Variants in TUSC3 observed in about 807,000 individuals in gnomAD.
TUSC3 encodes tumor suppressor candidate 3.
TUSC3 carries 45 observed loss-of-function variants against 44.8 expected under a neutral mutation model. The ratio of observed to expected loss-of-function variants is 1.00; its 90% confidence interval spans 0.79 to 1.29. The LOEUF is 1.29. TUSC3 is among the 50% of genes most tolerant of loss of function. The probability of loss-of-function intolerance (pLI) is 0.00; values close to 1 mark genes in which losing one functional copy is unlikely to be tolerated. For missense variants in TUSC3, 519 were observed against 437.9 expected, an observed-to-expected ratio of 1.19 and a Z score of -1.65; for synonymous variants, 212 against 152.9, an observed-to-expected ratio of 1.39 and a Z score of -2.85.
intron 2 of TUSC3, among the ~76,000 whole-genome samples, chr8:15,518,228 G>A (rs1383280087): frequency 6.6e-6 from 1 of 151,764 alleles, no homozygotes; most frequent in African/African-American, 2.4e-5. Flanking sequence ...CTTCTTTGTG[G>A]TCAATATTAC....
intron 2 of TUSC3, among the ~76,000 whole-genome samples, chr8:15,490,067 G>A (rs560445978): frequency 6.6e-6 from 1 of 152,306 alleles, no homozygotes; most frequent in African/African-American, 2.4e-5. Flanking sequence ...GTGTCCTTAA[G>A]TATGTAAAAC....
chr8:15,565,077 T>C (rs985319026), intron 1 of TUSC3, among the ~76,000 whole-genome samples: 4 of 152,042 alleles, frequency 2.6e-5, no homozygotes, highest in Non-Finnish European at 5.9e-5. Context: ...TATCTTACAG[T>C]TCTGGAGGTG....
chr8:15,757,890 C>A, intron 10 of TUSC3, 35 bp downstream of exon 10: 1 of 1,430,974 alleles, frequency 7.0e-7, no homozygotes, highest in Non-Finnish European at 9.9e-7. Context: ...CCTCAGTTTT[C>A]CTCATTTTTC....
At position 15,429,614 on chromosome 8, in the gene TUSC3, C is replaced by A. The variant is rs536177075; in HGVS notation, n.91+12309C>A. Among the ~76,000 whole-genome samples the A allele has an allele frequency of 5.9e-5, 9 of 151,488 alleles. 1 individual carries two copies. The highest frequency in any genetic ancestry group is 3.2e-3 in the Middle Eastern group (1 of 316). The stretch of plus-strand genomic sequence containing the variant: ...GATTCTTCCTACCCATGAACATGGA[C>A]TGTTCTTCCATTTGTTTGTATCCTC... On this transcript the variant is annotated intron_variant and non_coding_transcript_variant, in intron 1 of 5. Coordinates refer to the TUSC3 transcript ENST00000503191.
At chr8:15,788,524 G>A in the TUSC3 span, among the ~76,000 whole-genome samples, 29 of 148,190 alleles carry the variant, frequency 2.0e-4, no homozygotes, top group African/African-American at 7.3e-4. Flanking sequence ...TCCAGCCTGG[G>A]TGACAGAGTG....
chr8:15,758,620 C>T (rs559802062), intron 10 of TUSC3, among the ~76,000 whole-genome samples: 9 of 152,118 alleles, frequency 5.9e-5, no homozygotes, highest in South Asian at 4.2e-4. Context: ...ACCCACTGAA[C>T]GTAGGGAAGG....
At chr8:15,662,791 A>G (rs1197321071) in intron 5 of TUSC3, among the ~76,000 whole-genome samples, 1 of 151,978 alleles carries the variant, frequency 6.6e-6, no homozygotes, top group Admixed American at 6.6e-5. Context: ...GTGTAAGGTT[A>G]TGTGTGCTAT....
chr8:15,522,434 T>C (rs894673357), intron 2 of TUSC3, among the ~76,000 whole-genome samples: 3 of 152,144 alleles, frequency 2.0e-5, no homozygotes, highest in Non-Finnish European at 2.9e-5. Flanking sequence ...GGTTTCGCCA[T>C]GTTGGCCAGG....
intron 1 of TUSC3, among the ~76,000 whole-genome samples, chr8:15,466,030 C>G (rs140450463): frequency 6.6e-6 from 1 of 152,074 alleles, no homozygotes; most frequent in Non-Finnish European, 1.5e-5. Flanking sequence ...AGGGAACTTC[C>G]GAATTTTTAA....
At chr8:15,749,627 T>C (rs1811604336) in intron 9 of TUSC3, among the ~76,000 whole-genome samples, 1 of 151,260 alleles carries the variant, frequency 6.6e-6, no homozygotes, top group Non-Finnish European at 1.5e-5. Context: ...AAGCAGAGTC[T>C]TCAGGTTTTT....
At chr8:15,585,793 G>C (rs905218070) in intron 1 of TUSC3, among the ~76,000 whole-genome samples, 1 of 152,176 alleles carries the variant, frequency 6.6e-6, no homozygotes, top group Admixed American at 6.5e-5. Context: ...CCTGCAGACT[G>C]TTCTTTTGTT....
chr8:15,618,465 T>C (rs919167850), intron 1 of TUSC3, among the ~76,000 whole-genome samples: 1 of 152,174 alleles, frequency 6.6e-6, no homozygotes, highest in Non-Finnish European at 1.5e-5. Context: ...ACACATACAT[T>C]AGCCTAGGCC....
intron 9 of TUSC3, among the ~76,000 whole-genome samples, chr8:15,750,671 T>C (rs1311226743): frequency 1.3e-5 from 2 of 152,186 alleles, no homozygotes; most frequent in Non-Finnish European, 1.5e-5. Context: ...GGCCTCACCA[T>C]AGATATAAAT....
intron 2 of TUSC3, among the ~76,000 whole-genome samples, chr8:15,626,831 G>A (rs907444952): frequency 2.0e-5 from 3 of 152,208 alleles, no homozygotes; most frequent in South Asian, 2.1e-4. Context: ...GTGGCTGAGG[G>A]GGGCCCTGAG....
the TUSC3 span, among the ~76,000 whole-genome samples, chr8:15,786,138 TA>T: frequency 6.6e-6 from 1 of 152,198 alleles, no homozygotes; most frequent in Non-Finnish European, 1.5e-5. Flanking sequence ...AAATCTATAC[TA>T]TACTCCAGTT....
intron 1 of TUSC3, among the ~76,000 whole-genome samples, chr8:15,576,291 T>A (rs1375716369): frequency 3.5e-5 from 5 of 144,796 alleles, no homozygotes; most frequent in African/African-American, 5.1e-5. Context: ...TTTTTTTTTT[T>A]ATTTTTTTAT....
At chr8:15,554,074 C>T (rs563087220) in intron 1 of TUSC3, among the ~76,000 whole-genome samples, 9 of 151,670 alleles carry the variant, frequency 5.9e-5, no homozygotes, top group East Asian at 3.9e-4. Context: ...CCCACTTTCT[C>T]GGAGATGGCA....
chr8:15,780,233 G>T, the TUSC3 span, among the ~76,000 whole-genome samples: 15 of 152,230 alleles, frequency 9.9e-5, 1 homozygote, highest in South Asian at 2.7e-3. Context: ...AACCTTAAAT[G>T]GGTAGGCAAA....
At chr8:15,850,656 A>C in the TUSC3 span, among the ~76,000 whole-genome samples, 3 of 152,174 alleles carry the variant, frequency 2.0e-5, no homozygotes, top group Admixed American at 2.0e-4. Context: ...ACTCAACATT[A>C]ATTAAAAGAA....
Sources: allele counts gnomAD v4.1 joint callset (sites outside exome capture counted in the v4.1 genomes callset), GRCh38; gene constraint gnomAD v4.1.1; transcripts MANE v1.5; gene names NCBI Gene and HGNC (gene_info 2026-07-23, HGNC 2026-07-21).